Variants in IL1F10 observed in about 807,000 individuals in gnomAD.
IL1F10 encodes interleukin-1 family member 10.
In IL1F10, 13 loss-of-function variants were observed where a neutral mutation model predicts 13.1. The observed-to-expected ratio is 0.99, with a 90% CI of 0.64 to 1.57. IL1F10 has a LOEUF of 1.57. Ranked by LOEUF, IL1F10 falls within the 40% of genes most tolerant of loss-of-function variation. The probability of loss-of-function intolerance (pLI) is 0.00; values close to 1 mark genes in which losing one functional copy is unlikely to be tolerated. For synonymous variants in IL1F10, 78 were observed against 68.2 expected (o/e 1.14, Z -0.71); for missense variants, 191 against 184.1 (o/e 1.04, Z -0.22).
In IL1F10 at chr2:113,072,881, T is replaced by C. The variant is rs1685864473; in HGVS notation, c.32+111T>C. The stretch of plus-strand genomic sequence containing the variant: ...TCCTTCTCACCTTAGAAATTGCAAG[T>C]GCCCCATAATTAAGCTTCATCATCA... On this transcript the variant is annotated intron_variant, in intron 2 of 4. Coordinates refer to ENST00000341010, the MANE Select transcript of IL1F10 (RefSeq NM_173161.3). 5 of 884,610 alleles carry C rather than the reference T, an allele frequency of 5.7e-6. No individual in the cohort carries two copies. In the South Asian group the frequency reaches 7.5e-5, roughly 13 times the overall value. 54.8% of individuals were successfully genotyped at this position (884,610 alleles called of 1,614,324 possible).
chr2:113,072,908 C>T (rs1050970546), intron 2 of IL1F10, 138 bp downstream of exon 2: 17 of 698,382 alleles, frequency 2.4e-5, no homozygotes, highest in Middle Eastern at 2.4e-4. Context: ...TCATCATCAC[C>T]ACAGTAGCAA....
At chr2:113,069,480 A>T (rs1685796001) in intron 1 of IL1F10, among the ~76,000 whole-genome samples, 1 of 152,256 alleles carries the variant, frequency 6.6e-6, no homozygotes, top group Admixed American at 6.5e-5. Flanking sequence ...GAAGTAGGAG[A>T]TATTGTCAAT....
At chr2:113,074,997 G>T in intron 4 of IL1F10, 147 bp downstream of exon 4, 1 of 1,220,192 alleles carries the variant, frequency 8.2e-7, no homozygotes. Context: ...TCTGCACCTA[G>T]CACCAAGACC....
chr2:113,072,811 G>T lies in IL1F10; in HGVS notation c.32+41G>T, dbSNP rs371707309. 8.9e-6 allele frequency: 14 copies of T among 1,577,598 alleles called. No homozygotes were observed. The South Asian group carries it at 1.1e-4, about 13-fold the overall frequency. Reference sequence around the variant, plus strand: ...ATGTCCCTGCTTTCCAAGCCAGGGGGTCAGGGTGGGAAGAGGAAAGGAATG... The same window carrying T: ...ATGTCCCTGCTTTCCAAGCCAGGGGTTCAGGGTGGGAAGAGGAAAGGAATG... On this transcript the variant is annotated intron_variant, in intron 2 of 4. Transcript: ENST00000341010.
At chr2:113,072,573 G>T (rs3811049) in intron 1 of IL1F10, 138 bp from the exon 2 acceptor site, 17,080 of 595,704 alleles carry the variant, frequency 0.029, 1,437 homozygotes, top group East Asian at 0.23. Flanking sequence ...AGCCTTGGTG[G>T]ATTCTGGCAG....
At chr2:113,074,576 A>T (rs115853107) in intron 3 of IL1F10, 147 bp from the exon 4 acceptor site, 3 of 1,154,336 alleles carry the variant, frequency 2.6e-6, no homozygotes. Flanking sequence ...TGACTCCTGC[A>T]GAAGTCCTGG....
chr2:113,071,134 C>T (rs1474399014), intron 1 of IL1F10, among the ~76,000 whole-genome samples: 2 of 152,194 alleles, frequency 1.3e-5, no homozygotes, highest in African/African-American at 4.8e-5. Flanking sequence ...ACACGAGTAA[C>T]ATTTCTATGT....
intron 1 of IL1F10, among the ~76,000 whole-genome samples, chr2:113,068,273 A>G (rs987068064): frequency 3.3e-5 from 5 of 152,182 alleles, no homozygotes; most frequent in Non-Finnish European, 7.3e-5. Flanking sequence ...AGTAATCTCA[A>G]AAGAAACCAT....
At chr2:113,068,341 G>GTTTTTTT (rs11334338) in intron 1 of IL1F10, among the ~76,000 whole-genome samples, 1 of 140,704 alleles carries the variant, frequency 7.1e-6, no homozygotes, top group Admixed American at 7.1e-5. Context: ...TTTTGTTTTC[G>GTTTTTTT]TTTTTTTTTT....
intron 1 of IL1F10, among the ~76,000 whole-genome samples, chr2:113,070,627 T>C (rs943737093): frequency 1.3e-5 from 2 of 152,178 alleles, no homozygotes; most frequent in African/African-American, 4.8e-5. Context: ...GGGCTTGCAT[T>C]GAGGCCATGA....
chr2:113,069,498 AG>A (rs1685796338), intron 1 of IL1F10, among the ~76,000 whole-genome samples: 1 of 152,254 alleles, frequency 6.6e-6, no homozygotes. Flanking sequence ...AATGAGTCTC[AG>A]GTTTTGAATA....
intron 1 of IL1F10, 102 bp from the exon 2 acceptor site, chr2:113,072,609 G>A: frequency 2.8e-6 from 2 of 719,126 alleles, no homozygotes; most frequent in Admixed American, 5.1e-5. Flanking sequence ...ATGGCCTGGG[G>A]AACCCGTGCA....
intron 4 of IL1F10, 151 bp downstream of exon 4, chr2:113,075,001 C>T: frequency 8.2e-7 from 1 of 1,223,050 alleles, no homozygotes; most frequent in South Asian, 1.4e-5. Flanking sequence ...CACCTAGCAC[C>T]AAGACCCTTG....
At chr2:113,068,340 C>T (rs1360026371) in intron 1 of IL1F10, among the ~76,000 whole-genome samples, 15 of 110,734 alleles carry the variant, frequency 1.4e-4, no homozygotes, top group African/African-American at 2.0e-4. Context: ...TTTTTGTTTT[C>T]GTTTTTTTTT....
At chr2:113,073,707 T>C (rs1211600816) in intron 2 of IL1F10, among the ~76,000 whole-genome samples, 1 of 152,202 alleles carries the variant, frequency 6.6e-6, no homozygotes, top group Non-Finnish European at 1.5e-5. Context: ...TTAGCTGTTA[T>C]TGAGATAGAA....
In IL1F10 at chr2:113,072,787, T is replaced by A. The variant is rs1685862283; in HGVS notation, c.32+17T>A. On this transcript the variant is annotated intron_variant, in intron 2 of 4. Coordinates refer to ENST00000341010, the MANE Select transcript of IL1F10 (RefSeq NM_173161.3). The stretch of plus-strand genomic sequence containing the variant: ...ATACTACATGTAAGTTGTCCTGGCA[T>A]GTCCCTGCTTTCCAAGCCAGGGGGT... The A allele has an allele frequency of 6.2e-7, 1 of 1,610,606 alleles. No individual in the cohort carries two copies. Among genetic ancestry groups the A allele is most frequent in the Non-Finnish European group, 8.5e-7 (1 of 1,177,624 alleles).
chr2:113,074,051 G>A (rs1276239785), intron 2 of IL1F10, among the ~76,000 whole-genome samples: 1 of 152,138 alleles, frequency 6.6e-6, no homozygotes, highest in Non-Finnish European at 1.5e-5. Flanking sequence ...CTCTGTCAGA[G>A]GGCATTGGCT....
chr2:113,071,122 C>G (rs1685827300), intron 1 of IL1F10, among the ~76,000 whole-genome samples: 1 of 152,202 alleles, frequency 6.6e-6, no homozygotes, highest in Non-Finnish European at 1.5e-5. Flanking sequence ...AGTGGTGCAA[C>G]AACACGAGTA....
In IL1F10 at chr2:113,072,771, G is replaced by A. The variant is rs1279530496; in HGVS notation, c.32+1G>A. 3 of 1,612,978 alleles carry A rather than the reference G, an allele frequency of 1.9e-6. No individual in the cohort carries two copies. The highest frequency in any genetic ancestry group is 2.2e-5 in the South Asian group (2 of 90,764). ...CCCTCCCCATGGCAAGATACTACAT[G>A]TAAGTTGTCCTGGCATGTCCCTGCT... On this transcript the variant is annotated splice_donor_variant, in intron 2 of 4. Coordinates refer to ENST00000341010, the MANE Select transcript of IL1F10 (RefSeq NM_173161.3). LOFTEE classifies it high-confidence loss of function.
Sources: allele counts gnomAD v4.1 joint callset (sites outside exome capture counted in the v4.1 genomes callset), GRCh38; gene constraint gnomAD v4.1.1; transcripts MANE v1.5; gene names NCBI Gene and HGNC (gene_info 2026-07-23, HGNC 2026-07-21).